The following TSGA13 variants were observed in gnomAD, a reference collection of about 807,000 sequenced individuals.
TSGA13 encodes testis-specific gene 13 protein.
TSGA13 carries 37 observed loss-of-function variants against 35.1 expected under a neutral mutation model. The observed-to-expected ratio is 1.05, with a 90% CI of 0.81 to 1.39. The LOEUF (loss-of-function observed/expected upper bound fraction) is 1.39. TSGA13 is among the 40% of genes most tolerant of loss of function. The pLI, the probability that TSGA13 is intolerant of heterozygous loss-of-function variation, is 0.00. For synonymous variants in TSGA13, 124 were observed against 121.2 expected, an observed-to-expected ratio of 1.02 and a Z score of -0.15; for missense variants, 338 against 328.5, an observed-to-expected ratio of 1.03 and a Z score of -0.22.
rs1273022149 is a variant in TSGA13 at position 130,675,740 on chromosome 7, T to C, written c.388-2864A>G. Among the ~76,000 whole-genome samples the C allele has an allele frequency of 2.0e-5, 3 of 152,242 alleles. No homozygotes were observed. The East Asian group carries it at 5.8e-4, about 29-fold the overall frequency. On this transcript the variant is annotated intron_variant, in intron 5 of 7. Coordinates refer to ENST00000356588, the MANE Select transcript of TSGA13 (RefSeq NM_052933.4). ...CCTTTTAGCTTTCATTCCTACTGCT[T>C]CAATCTTTTCATTTCTCAATTCAGA...
At chr7:130,676,083 C>G (rs1796404935) in intron 5 of TSGA13, among the ~76,000 whole-genome samples, 1 of 152,182 alleles carries the variant, frequency 6.6e-6, no homozygotes, top group Non-Finnish European at 1.5e-5. Flanking sequence ...CTAGTACATT[C>G]CATAACTTGC....
intron 7 of TSGA13, among the ~76,000 whole-genome samples, chr7:130,670,359 A>G (rs782640768): frequency 1.3e-5 from 2 of 152,182 alleles, no homozygotes; most frequent in East Asian, 1.9e-4. Context: ...AATCACTGCA[A>G]TGGCTTTGTG....
chr7:130,682,070 C>T (rs782404722), intron 3 of TSGA13, among the ~76,000 whole-genome samples: 3 of 151,584 alleles, frequency 2.0e-5, no homozygotes, highest in African/African-American at 4.8e-5. Flanking sequence ...ATCCCGAGTA[C>T]CTGGGTCTAA....
At position 130,683,648 on chromosome 7, in the gene TSGA13, A is replaced by C; in HGVS notation, c.48T>G (p.Thr16=). Residue 16 remains threonine (T), a synonymous_variant, in exon 3 of 8, where the codon ACT becomes ACG. Transcript: ENST00000356588. The part of the protein sequence containing the change: ...QTKFQNGKSK[T]SENSSAKREK... ...CACGTTTAGCTGAGCTATTTTCTGAAGTCTTTGATTTGCCATTTTGAAACC... is the reference window on the plus strand; with the variant it reads ...CACGTTTAGCTGAGCTATTTTCTGACGTCTTTGATTTGCCATTTTGAAACC... The C allele has an allele frequency of 6.2e-7, 1 of 1,613,824 alleles. No homozygotes were observed. The highest frequency in any genetic ancestry group is 1.1e-5 in the South Asian group (1 of 91,062).
At chr7:130,682,400 G>A (rs374036011) in intron 3 of TSGA13, among the ~76,000 whole-genome samples, 3 of 151,722 alleles carry the variant, frequency 2.0e-5, no homozygotes, top group African/African-American at 4.8e-5. Flanking sequence ...GATTACAGGC[G>A]TGAGCTACCA....
chr7:130,675,737 G>T (rs1319823504), intron 5 of TSGA13, among the ~76,000 whole-genome samples: 1 of 152,132 alleles, frequency 6.6e-6, no homozygotes, highest in Non-Finnish European at 1.5e-5. Flanking sequence ...CATTCCTACT[G>T]CTTCAATCTT....
chr7:130,671,725 T>C lies in TSGA13; in HGVS notation c.594A>G (p.Thr198=). Residue 198 remains threonine (T), a synonymous_variant, in exon 7 of 8, where the codon ACA becomes ACG. Transcript: ENST00000356588. ...TGAGCTGAGGGTACATTTTCTTCTG[T>C]GTCCTCAAAGCGTAGACTTTTGAAT... is the stretch of plus-strand genomic sequence containing the variant. The part of the protein sequence containing the change: ...GKYSKVYALR[T]QKKMYPQLTF... 2 of 1,611,358 alleles carry C rather than the reference T, an allele frequency of 1.2e-6. No homozygotes were observed. The highest frequency in any genetic ancestry group is 8.5e-7 in the Non-Finnish European group (1 of 1,178,176).
Position 130,683,689 on chromosome 7 carries a change from A to G in TSGA13, c.24-17T>C. On this transcript the variant is annotated splice_polypyrimidine_tract_variant and intron_variant, in intron 2 of 7. Transcript: ENST00000356588. ...TTTTGAAACCTGAAAAAGAGGCAGA[A>G]CATCCGGTTGCACTTTCTGGCTCAG... The G allele has an allele frequency of 1.2e-6, 2 of 1,612,890 alleles. No individual in the cohort carries two copies. Among genetic ancestry groups the G allele is most frequent in the South Asian group, 2.2e-5 (2 of 90,982 alleles).
intron 5 of TSGA13, among the ~76,000 whole-genome samples, chr7:130,673,324 G>C (rs1451925839): frequency 1.3e-5 from 2 of 152,146 alleles, no homozygotes; most frequent in Non-Finnish European, 2.9e-5. Flanking sequence ...GGGATGTTGT[G>C]AAGTAATAAT....
At chr7:130,687,274 G>A (rs1266236511), upstream of TSGA13, 2 of 152,154 alleles carry the variant, frequency 1.3e-5, no homozygotes, top group African/African-American at 4.8e-5. Context: ...TAGTCACTGG[G>A]TTTTGTGCAT....
At chr7:130,679,038 C>T in intron 5 of TSGA13, 117 bp downstream of exon 5, 2 of 886,902 alleles carry the variant, frequency 2.3e-6, no homozygotes, top group Non-Finnish European at 1.8e-6. Context: ...AACAAACAAA[C>T]AAAAAAATTA....
Position 130,679,235 on chromosome 7 carries a change from G to C in TSGA13, c.307C>G (p.Pro103Ala), listed in dbSNP as rs1554464654. 1.2e-6 allele frequency: 2 copies of C among 1,614,080 alleles called. No individual in the cohort carries two copies. Among genetic ancestry groups the C allele is most frequent in the East Asian group, 2.2e-5 (1 of 44,884 alleles). Residue 103 changes from proline (P) to alanine (A), a missense_variant, in exon 5 of 8, where the codon CCA becomes GCA. By Grantham distance (27) the Pro-to-Ala change is conservative (BLOSUM62 -1). Transcript: ENST00000356588. ...DKTLLIMTNN[P>A]PPCSITQQDK... ...TGCTGGGTGATTGAGCAGGGAGGTG[G>C]GTTGTTGGTCATAATCAGTAACGTC...
chr7:130,684,686 G>A (rs1439909042), intron 2 of TSGA13, among the ~76,000 whole-genome samples: 2 of 152,122 alleles, frequency 1.3e-5, no homozygotes, highest in African/African-American at 4.8e-5. Context: ...TCCATCTGTT[G>A]CTGGCCACCA....
chr7:130,676,885 A>C (rs953385152), intron 5 of TSGA13, among the ~76,000 whole-genome samples: 4 of 150,766 alleles, frequency 2.7e-5, no homozygotes, highest in African/African-American at 9.7e-5. Flanking sequence ...GACCTTTTTT[A>C]GATTTTGATT....
Position 130,681,003 on chromosome 7 carries a change from GA to G in TSGA13, c.116del (p.Val39AlafsTer8). Reference protein sequence around the residue: ...VVNSKEISDAVGQSKFVLENL... With the variant: ...VVNSKEISDAXGQSKFVLENL... ...TCTCTAGAACAAATTTTGATTGCCC[GA>G]CTGCATCAGAAATCTAAAGAGGATA... is the stretch of plus-strand genomic sequence containing the variant. On this transcript the variant is annotated frameshift_variant, in exon 4 of 8. Transcript: ENST00000356588. LOFTEE classifies it high-confidence loss of function. 2.5e-6 allele frequency: 4 copies of G among 1,614,138 alleles called. No homozygotes were observed. The South Asian group carries it at 4.4e-5, about 18-fold the overall frequency.
chr7:130,674,169 C>CTTTTTTTTTTTTTTTTTTTTTTTT (rs1162370815), intron 5 of TSGA13, among the ~76,000 whole-genome samples: 5 of 98,416 alleles, frequency 5.1e-5, no homozygotes, highest in African/African-American at 7.1e-5. Context: ...TTCTTTTTTT[C>CTTTTTTTTTTTTTTTTTTTTTTTT]TTTTTTTTTT....
At chr7:130,675,021 C>T (rs1028689670) in intron 5 of TSGA13, among the ~76,000 whole-genome samples, 1 of 152,106 alleles carries the variant, frequency 6.6e-6, no homozygotes, top group Non-Finnish European at 1.5e-5. Flanking sequence ...ACTATCCAGC[C>T]ATAAGCAAAA....
intron 5 of TSGA13, among the ~76,000 whole-genome samples, chr7:130,677,543 G>A (rs1796443007): frequency 6.6e-6 from 1 of 151,860 alleles, no homozygotes; most frequent in Non-Finnish European, 1.5e-5. Flanking sequence ...TCCTCCCTCA[G>A]CCTCCTGAGT....
chr7:130,686,033 A>G (rs900023804), intron 1 of TSGA13, among the ~76,000 whole-genome samples: 5 of 152,218 alleles, frequency 3.3e-5, no homozygotes, highest in African/African-American at 1.2e-4. Context: ...ATGGAGTCAC[A>G]TTATAGGGGC....
Sources: gnomAD v4.1 joint callset for allele counts (sites outside exome capture counted in the v4.1 genomes callset) on GRCh38, gnomAD v4.1.1 for gene constraint, MANE v1.5 for transcripts, NCBI Gene and HGNC (gene_info 2026-07-23, HGNC 2026-07-21) for gene names.